The following MXRA7 variants were observed in gnomAD, a reference collection of about 807,000 sequenced individuals.
The protein encoded by MXRA7 is matrix-remodeling-associated protein 7.
A neutral mutation model predicts 17.4 loss-of-function variants in MXRA7; 18 were observed. That is an observed-to-expected ratio of 1.03 (90% CI 0.71 to 1.53). The LOEUF is 1.53. Ranked by LOEUF, MXRA7 falls within the 40% of genes most tolerant of loss-of-function variation. The pLI is 0.00. For missense variants in MXRA7, 141 were observed against 209.3 expected (o/e 0.67, Z 2.01); for synonymous variants, 70 against 101.7 (o/e 0.69, Z 1.87).
chr17:76,688,270 C>G (rs1397808970), intron 1 of MXRA7, 94 bp from the exon 2 acceptor site: 4 of 1,563,772 alleles, frequency 2.6e-6, no homozygotes, highest in African/African-American at 2.7e-5. Flanking sequence ...AGGAGGCCCT[C>G]GAAGGTCCAG....
intron 3 of MXRA7, among the ~76,000 whole-genome samples, chr17:76,684,081 G>A (rs3803741): frequency 0.019 from 2,883 of 151,836 alleles, 88 homozygotes; most frequent in East Asian, 0.12. Flanking sequence ...GCTGAGGGTC[G>A]AGAGCGCTGA....
intron 1 of MXRA7, among the ~76,000 whole-genome samples, chr17:76,706,532 GA>G (rs2076664023): frequency 6.6e-6 from 1 of 152,262 alleles, no homozygotes; most frequent in Non-Finnish European, 1.5e-5. Context: ...AGATGATGGG[GA>G]AGTTCACCTG....
At chr17:76,683,247 T>C (rs2076333081) in intron 3 of MXRA7, among the ~76,000 whole-genome samples, 1 of 152,234 alleles carries the variant, frequency 6.6e-6, no homozygotes, top group African/African-American at 2.4e-5. Context: ...GTGTGGTCTC[T>C]GCTGCAGTGA....
intron 2 of MXRA7, among the ~76,000 whole-genome samples, chr17:76,685,973 G>T (rs1437383101): frequency 1.3e-5 from 2 of 152,172 alleles, no homozygotes; most frequent in African/African-American, 4.8e-5. Flanking sequence ...CTAACTAAAG[G>T]ACCCAGTGAG....
chr17:76,698,706 C>T (rs921053342), intron 1 of MXRA7, among the ~76,000 whole-genome samples: 2 of 139,100 alleles, frequency 1.4e-5, no homozygotes, highest in Admixed American at 8.0e-5. Context: ...GACTTCCTTC[C>T]TTTCTGTTTT....
chr17:76,684,497 G>A (rs1354839824), intron 3 of MXRA7, among the ~76,000 whole-genome samples: 3 of 152,190 alleles, frequency 2.0e-5, no homozygotes, highest in Admixed American at 1.3e-4. Context: ...GCAGGATGGT[G>A]TGGAGGGAAA....
chr17:76,682,830 A>G (rs1423229196), intron 3 of MXRA7, among the ~76,000 whole-genome samples: 1 of 152,188 alleles, frequency 6.6e-6, no homozygotes, highest in Non-Finnish European at 1.5e-5. Context: ...TAACTGCAGC[A>G]TGCAGAGGAG....
At chr17:76,684,545 CA>C in intron 3 of MXRA7, 1 of 315,544 alleles carries the variant, frequency 3.2e-6, no homozygotes, top group Non-Finnish European at 6.3e-6. Context: ...AGGGGGTGTC[CA>C]AATGGGAAGG....
chr17:76,697,935 G>C (rs1362321803), intron 1 of MXRA7, among the ~76,000 whole-genome samples: 1 of 151,910 alleles, frequency 6.6e-6, no homozygotes, highest in Non-Finnish European at 1.5e-5. Context: ...ATAAGGCGGG[G>C]GGAGGGGAGA....
chr17:76,683,990 T>G, intron 3 of MXRA7: 1 of 1,243,736 alleles, frequency 8.0e-7, no homozygotes, highest in Non-Finnish European at 1.2e-6. Flanking sequence ...ACCTGAGGAC[T>G]CGGGGCTCCT....
In MXRA7 at chr17:76,688,170, C is replaced by G. The variant is rs2076425676; in HGVS notation, c.349G>C (p.Glu117Gln). The G allele has an allele frequency of 1.2e-6, 2 of 1,614,172 alleles. No homozygotes were observed. Among genetic ancestry groups the G allele is most frequent in the Non-Finnish European group, 1.7e-6 (2 of 1,180,016 alleles). The change falls in exon 2 of 4, where the codon GAG becomes CAG. Residue 117 changes from glutamate to glutamine, a missense_variant. Around this residue, in one of 3 missense-constraint regions of MXRA7, gnomAD observed 67 missense variants for 80.3 expected, o/e 0.83. Transcript: ENST00000449428. ...CCCTTCTCACCATCCAAGTCCTGCT[C>G]CTCTTCCTGCAAGACAAGGACAGGG... ...EQAVEARQEE[E>Q]QDLDGEKGPS...
chr17:76,676,016 T>G (rs1246965603), downstream of MXRA7: 1 of 152,226 alleles, frequency 6.6e-6, no homozygotes, highest in Non-Finnish European at 1.5e-5. Flanking sequence ...TAACTCAGTT[T>G]GCTCAAGAAC....
chr17:76,677,277 G>C (rs140502411), downstream of MXRA7: 244 of 193,024 alleles, frequency 1.3e-3, 2 homozygotes, highest in East Asian at 0.018. Context: ...GGGAGACAGA[G>C]TGAGACTCCA....
In MXRA7 at chr17:76,688,130, C is replaced by G; in HGVS notation, c.389G>C (p.Gly130Ala). ...CCACTCACCGTCCTCCTCCTCAGGC[C>G]CTTCCGATGATGGCCCCTTCTCACC... ...LDGEKGPSSEGPEEEDGEGFS... is the reference protein window; with the variant it reads ...LDGEKGPSSEAPEEEDGEGFS... The change falls in exon 2 of 4, where the codon GGG (glycine) becomes GCG (alanine). Residue 130 changes from glycine (G) to alanine (A), a missense_variant. Transcript: ENST00000449428. The G allele has an allele frequency of 6.2e-7, 1 of 1,613,992 alleles. No homozygotes were observed. Among genetic ancestry groups the G allele is most frequent in the South Asian group, 1.1e-5 (1 of 91,070 alleles).
chr17:76,710,902 G>A lies in MXRA7; in HGVS notation c.45C>T (p.Ala15=). The A allele has an allele frequency of 1.0e-6, 1 of 1,000,484 alleles. No individual in the cohort carries two copies. Among genetic ancestry groups the A allele is most frequent in the Non-Finnish European group, 1.2e-6 (1 of 842,382 alleles). 62.0% of individuals were successfully genotyped at this position (1,000,484 alleles called of 1,614,324 possible). The change falls in exon 1 of 4, where the codon GCC becomes GCT. Residue 15 remains alanine (A), a synonymous_variant. Transcript: ENST00000449428. ...AELLAALPAL[A]TALALLLAWL... Reference sequence around the variant, plus strand: ...AGGCGAGCAGAAGGGCCAGCGCGGTGGCCAGCGCAGGCAGCGCGGCCAGTA... The same window carrying A: ...AGGCGAGCAGAAGGGCCAGCGCGGTAGCCAGCGCAGGCAGCGCGGCCAGTA...
chr17:76,693,915 ATTTAAAAT>A (rs1598351489), intron 1 of MXRA7, among the ~76,000 whole-genome samples: 1 of 152,246 alleles, frequency 6.6e-6, no homozygotes, highest in Non-Finnish European at 1.5e-5. Flanking sequence ...ACAGGATGTA[ATTTAAAAT>A]TTCTTTCTTA....
At chr17:76,706,306 C>CCCACGCTGCCATCACAAAGGA (rs2076657837) in intron 1 of MXRA7, among the ~76,000 whole-genome samples, 1 of 96,714 alleles carries the variant, frequency 1.0e-5, no homozygotes, top group African/African-American at 3.5e-5. Flanking sequence ...GTCACAGAGG[C>CCCACGCTGCCATCACAAAGGA]CCACGCTGCC....
At chr17:76,704,485 G>A (rs1307671090) in intron 1 of MXRA7, among the ~76,000 whole-genome samples, 4 of 148,622 alleles carry the variant, frequency 2.7e-5, no homozygotes, top group Admixed American at 2.0e-4. Context: ...GTTTACAGTC[G>A]TGAGCCACCG....
intron 1 of MXRA7, among the ~76,000 whole-genome samples, chr17:76,708,438 G>C (rs2076685378): frequency 6.6e-6 from 1 of 152,200 alleles, no homozygotes; most frequent in Non-Finnish European, 1.5e-5. Context: ...GAGGCTGGCA[G>C]AGGGCATAGC....
Sources: gnomAD v4.1 joint callset for allele counts (sites outside exome capture counted in the v4.1 genomes callset) on GRCh38, gnomAD v4.1.1 for gene constraint, gnomAD v4.1.1 regional missense constraint, MANE v1.5 for transcripts, NCBI Gene and HGNC (gene_info 2026-07-23, HGNC 2026-07-21) for gene names.